The following MGMT variants were observed in gnomAD, a reference collection of about 807,000 sequenced individuals.
MGMT encodes O-6-methylguanine-DNA methyltransferase.
A neutral mutation model predicts 15.9 loss-of-function variants in MGMT; 14 were observed. That is an observed-to-expected ratio of 0.88 (90% confidence interval 0.58 to 1.37). The LOEUF is 1.37. Ranked by LOEUF, MGMT falls within the 40% of genes most tolerant of loss-of-function variation. MGMT has a pLI of 0.00. For synonymous variants in MGMT, 130 were observed against 118.2 expected (o/e 1.10, Z -0.65); for missense variants, 282 against 268.1 (o/e 1.05, Z -0.36).
At chr10:129,596,946 G>T (rs1846758347) in intron 2 of MGMT, among the ~76,000 whole-genome samples, 1 of 152,120 alleles carries the variant, frequency 6.6e-6, no homozygotes, top group Non-Finnish European at 1.5e-5. Flanking sequence ...AGTGAGGGGG[G>T]TGGGGTGTAG....
At chr10:129,639,061 A>G (rs1385432295) in intron 2 of MGMT, among the ~76,000 whole-genome samples, 3 of 152,218 alleles carry the variant, frequency 2.0e-5, no homozygotes, top group East Asian at 3.8e-4. Context: ...TTGAAAATAT[A>G]TAGCCATGGA....
intron 2 of MGMT, among the ~76,000 whole-genome samples, chr10:129,684,808 T>A (rs536079537): frequency 6.6e-6 from 1 of 152,314 alleles, no homozygotes; most frequent in African/African-American, 2.4e-5. Context: ...CAGGAGGAAA[T>A]GCAGAATTCT....
chr10:129,758,124 T>A (rs1049816367), intron 3 of MGMT, among the ~76,000 whole-genome samples: 1 of 152,202 alleles, frequency 6.6e-6, no homozygotes, highest in African/African-American at 2.4e-5. Flanking sequence ...CTAAACAGAT[T>A]TTTTTCCCAG....
chr10:129,660,328 CAG>C (rs1178964068), intron 2 of MGMT, among the ~76,000 whole-genome samples: 5 of 152,106 alleles, frequency 3.3e-5, no homozygotes. Context: ...TGGTCTGTCT[CAG>C]GGGTTCTAGT....
At chr10:129,551,671 C>T (rs114007038) in intron 2 of MGMT, among the ~76,000 whole-genome samples, 268 of 152,296 alleles carry the variant, frequency 1.8e-3, no homozygotes, top group African/African-American at 6.2e-3. Context: ...CCTGTACTGA[C>T]ATTGTAGTCT....
chr10:129,678,866 G>T (rs1847815767), intron 2 of MGMT, among the ~76,000 whole-genome samples: 1 of 152,036 alleles, frequency 6.6e-6, no homozygotes, highest in Non-Finnish European at 1.5e-5. Context: ...GAAGTCGGGA[G>T]TTCGAGACCA....
intron 2 of MGMT, among the ~76,000 whole-genome samples, chr10:129,546,323 A>G (rs1846098032): frequency 6.6e-6 from 1 of 152,206 alleles, no homozygotes; most frequent in African/African-American, 2.4e-5. Flanking sequence ...GCCCAAGCCT[A>G]GGTGACTGGC....
chr10:129,737,054 G>A lies in MGMT; in HGVS notation c.275-22148G>A, dbSNP rs555113547. ...TATGTGTCTTGGAGTTGCTCTTCTC[G>A]AGGAGTATCTTTGTGGCATTCTCTG... On this transcript the variant is annotated intron_variant, in intron 3 of 4. Transcript: ENST00000651593. Among the ~76,000 whole-genome samples the A allele has an allele frequency of 3.2e-4, 48 of 151,948 alleles. No individual in the cohort carries two copies. In the East Asian group the frequency reaches 8.3e-3, roughly 26 times the overall value.
intron 2 of MGMT, among the ~76,000 whole-genome samples, chr10:129,547,176 CAGTTGAGAGAAG>C (rs750597683): frequency 1.3e-5 from 2 of 152,184 alleles, no homozygotes; most frequent in Non-Finnish European, 2.9e-5. Context: ...AACTCAAAGG[CAGTTGAGAGAAG>C]AGTTCTAGCT....
intron 2 of MGMT, among the ~76,000 whole-genome samples, chr10:129,704,213 G>T (rs568379669): frequency 6.6e-6 from 1 of 151,982 alleles, no homozygotes; most frequent in East Asian, 1.9e-4. Context: ...TCTCCTTTCC[G>T]TGGCCAGACC....
chr10:129,510,022 T>C (rs1400150111), intron 1 of MGMT, among the ~76,000 whole-genome samples: 1 of 152,166 alleles, frequency 6.6e-6, no homozygotes, highest in Non-Finnish European at 1.5e-5. Flanking sequence ...GGATGCACAG[T>C]GTCCATCTGG....
chr10:129,660,293 C>T lies in MGMT; in HGVS notation c.126-47602C>T, dbSNP rs566517781. Among the ~76,000 whole-genome samples, 29 of 151,974 alleles carry T rather than the reference C, an allele frequency of 1.9e-4. 1 individual carries two copies. In the South Asian group the frequency reaches 4.2e-3, roughly 22 times the overall value. On this transcript the variant is annotated intron_variant, in intron 2 of 4. Transcript: ENST00000651593. The stretch of plus-strand genomic sequence containing the variant: ...TTGATAGCATGGGGTGGTATCTCGG[C>T]GGATGGGCGAGTGCTGTTCGCCTGT...
intron 2 of MGMT, among the ~76,000 whole-genome samples, chr10:129,676,530 G>A (rs891582507): frequency 1.3e-5 from 2 of 152,216 alleles, no homozygotes; most frequent in Non-Finnish European, 2.9e-5. Flanking sequence ...AGATCAGCAA[G>A]ACGACGTGTT....
At chr10:129,740,453 C>T (rs888687470) in intron 3 of MGMT, among the ~76,000 whole-genome samples, 3 of 152,160 alleles carry the variant, frequency 2.0e-5, no homozygotes, top group Non-Finnish European at 2.9e-5. Context: ...GAATGCCTTA[C>T]GAAGGGGGAC....
At chr10:129,471,045 C>T (rs9299870) in intron 1 of MGMT, among the ~76,000 whole-genome samples, 2 of 152,084 alleles carry the variant, frequency 1.3e-5, no homozygotes, top group African/African-American at 4.8e-5. Context: ...CCAGCCCTGC[C>T]GCCCATTCCC....
intron 3 of MGMT, among the ~76,000 whole-genome samples, chr10:129,739,580 G>T (rs1300142353): frequency 6.6e-6 from 1 of 152,024 alleles, no homozygotes; most frequent in African/African-American, 2.4e-5. Context: ...ATCAGAACCA[G>T]GTCAGAGCCC....
At chr10:129,614,830 ATGT>A (rs67239504) in intron 2 of MGMT, among the ~76,000 whole-genome samples, 8,261 of 152,216 alleles carry the variant, frequency 0.054, 316 homozygotes, top group Middle Eastern at 0.082. Flanking sequence ...AGACTTCAGT[ATGT>A]TGTTCATTTC....
chr10:129,731,646 G>A (rs995159945), intron 3 of MGMT, among the ~76,000 whole-genome samples: 9 of 151,942 alleles, frequency 5.9e-5, no homozygotes, highest in African/African-American at 9.7e-5. Flanking sequence ...CACCTGCCTC[G>A]GCCTCCCAAA....
At chr10:129,747,826 A>G (rs971183902) in intron 3 of MGMT, among the ~76,000 whole-genome samples, 4 of 152,280 alleles carry the variant, frequency 2.6e-5, no homozygotes, top group Non-Finnish European at 4.4e-5. Flanking sequence ...TGGCCTAGAC[A>G]GTGTTAAGGA....
Sources: allele counts gnomAD v4.1 joint callset (sites outside exome capture counted in the v4.1 genomes callset), GRCh38; gene constraint gnomAD v4.1.1; transcripts MANE v1.5; gene names NCBI Gene and HGNC (gene_info 2026-07-23, HGNC 2026-07-21).